BMPR2: variants seen among roughly 807,000 people sequenced by gnomAD.
BMPR2 encodes bone morphogenetic protein receptor type 2.
BMPR2 carries 29 observed loss-of-function variants against 100.8 expected under a neutral mutation model. That is an observed-to-expected ratio of 0.29 (90% CI 0.21 to 0.39). The LOEUF is 0.39. Among genes scored for constraint, BMPR2 ranks in the 10% least tolerant of loss-of-function variants. The probability of loss-of-function intolerance (pLI) is 1.00; values close to 1 mark genes in which losing one functional copy is unlikely to be tolerated. For missense variants in BMPR2, 1,011 were observed against 1,274.5 expected (o/e 0.79, Z 3.15); for synonymous variants, 382 against 442.3 (o/e 0.86, Z 1.71).
intron 3 of BMPR2, 146 bp downstream of exon 3, chr2:202,467,835 G>C: frequency 1.2e-6 from 1 of 816,120 alleles, no homozygotes; most frequent in Non-Finnish European, 2.0e-6. Flanking sequence ...GAGGTGGATG[G>C]ATCACCTGAG....
At chr2:202,398,394 T>A (rs978168919) in intron 1 of BMPR2, among the ~76,000 whole-genome samples, 36 of 152,200 alleles carry the variant, frequency 2.4e-4, no homozygotes, top group East Asian at 1.7e-3. Context: ...GCTTTTTTTT[T>A]AAAAAAAGCT....
intron 3 of BMPR2, among the ~76,000 whole-genome samples, chr2:202,511,085 C>G (rs975071780): frequency 9.2e-5 from 14 of 151,770 alleles, no homozygotes; most frequent in African/African-American, 2.9e-4. Flanking sequence ...CAACTATTAC[C>G]TCTGTCTAGT....
chr2:202,481,662 G>T (rs1692662668), intron 3 of BMPR2, among the ~76,000 whole-genome samples: 1 of 152,078 alleles, frequency 6.6e-6, no homozygotes, highest in Non-Finnish European at 1.5e-5. Context: ...CATTTATTTA[G>T]ACCTTATTTC....
intron 1 of BMPR2, among the ~76,000 whole-genome samples, chr2:202,448,511 C>T (rs566306866): frequency 3.3e-5 from 5 of 150,894 alleles, no homozygotes; most frequent in African/African-American, 1.2e-4. Flanking sequence ...GGCTGGAGTG[C>T]AATGACTTGG....
At chr2:202,385,490 C>T (rs1233356942) in intron 1 of BMPR2, among the ~76,000 whole-genome samples, 3 of 150,544 alleles carry the variant, frequency 2.0e-5, no homozygotes, top group Non-Finnish European at 1.5e-5. Flanking sequence ...CTCAGCCGCC[C>T]GAGTAGCTGG....
intron 1 of BMPR2, among the ~76,000 whole-genome samples, chr2:202,402,315 A>C (rs891370723): frequency 1.3e-5 from 2 of 151,974 alleles, no homozygotes; most frequent in African/African-American, 4.8e-5. Flanking sequence ...TCAGGAGTTC[A>C]AGACCAGCCT....
Position 202,559,892 on chromosome 2 carries a change from A to T in BMPR2, c.3063A>T (p.Glu1021Asp), listed in dbSNP as rs778834225. The T allele has an allele frequency of 6.2e-7, 1 of 1,614,224 alleles. No homozygotes were observed. Among genetic ancestry groups the T allele is most frequent in the South Asian group, 1.1e-5 (1 of 91,088 alleles). ...CCAGCACTGCTGTTTACCTTGCAGA[A>T]GGAGGCACTGCTACAACCATGGTGT... ...SKSSTAVYLA[E>D]GGTATTMVSK... is the part of the protein sequence containing the mutation. The change falls in exon 13 of 13, where the codon GAA becomes GAT. Residue 1021 changes from glutamate to aspartate, a missense_variant. This residue lies in a region of BMPR2 where 58 missense variants were observed against 72.3 expected (regional missense o/e 0.80). Transcript: ENST00000374580.
At chr2:202,481,469 G>A (rs571081254) in intron 3 of BMPR2, among the ~76,000 whole-genome samples, 10 of 152,264 alleles carry the variant, frequency 6.6e-5, no homozygotes, top group African/African-American at 2.4e-4. Flanking sequence ...GAGAGACACC[G>A]TGCCTGGCCT....
rs1228690295 is a variant in BMPR2, at chr2:202,565,893, T to C, written c.*5947T>C. ...TCATGGCAGATACATTTGAAAGTACTTCAGAAGAATTTATGCTGTATATTA... is the reference window on the plus strand; with the variant it reads ...TCATGGCAGATACATTTGAAAGTACCTCAGAAGAATTTATGCTGTATATTA... On this transcript the variant is annotated 3_prime_UTR_variant, in exon 13 of 13. Coordinates refer to ENST00000374580, the MANE Select transcript of BMPR2 (RefSeq NM_001204.7). The C allele has an allele frequency of 6.6e-6, 1 of 152,198 alleles. No homozygotes were observed. Among genetic ancestry groups the C allele is most frequent in the Admixed American group, 6.5e-5 (1 of 15,288 alleles). The allele number at this position is 152,198 out of a possible 1,614,324, so 9.4% of individuals were successfully genotyped here.
At chr2:202,391,328 G>A (rs1035105367) in intron 1 of BMPR2, among the ~76,000 whole-genome samples, 7 of 151,560 alleles carry the variant, frequency 4.6e-5, no homozygotes, top group Admixed American at 2.6e-4. Flanking sequence ...CAATAAAATA[G>A]GGCCTTGCTC....
At chr2:202,407,473 C>T (rs1690924729) in intron 1 of BMPR2, among the ~76,000 whole-genome samples, 1 of 151,316 alleles carries the variant, frequency 6.6e-6, no homozygotes, top group Non-Finnish European at 1.5e-5. Context: ...GGTACTGCTC[C>T]TTAATAATAC....
intron 1 of BMPR2, among the ~76,000 whole-genome samples, chr2:202,396,694 C>T (rs1690662220): frequency 6.6e-6 from 1 of 152,180 alleles, no homozygotes; most frequent in South Asian, 2.1e-4. Context: ...ATACATGGTA[C>T]ATCAGAGATA....
At chr2:202,500,349 T>C (rs529642132) in intron 3 of BMPR2, among the ~76,000 whole-genome samples, 2 of 152,344 alleles carry the variant, frequency 1.3e-5, no homozygotes, top group East Asian at 3.9e-4. Flanking sequence ...TTTCTTGTTA[T>C]GCCTGAAAGT....
At position 202,383,201 on chromosome 2, in the gene BMPR2, C is replaced by T. The variant is rs187855029; in HGVS notation, c.76+5651C>T. ...ATCCTGGCACTTGGGGAGGCCAAGGCAGGCGGATCACTTGAGGTCAGGATT... is the reference window on the plus strand; with the variant it reads ...ATCCTGGCACTTGGGGAGGCCAAGGTAGGCGGATCACTTGAGGTCAGGATT... On this transcript the variant is annotated intron_variant, in intron 1 of 12. Coordinates refer to ENST00000374580, the MANE Select transcript of BMPR2 (RefSeq NM_001204.7). 1.8e-3 allele frequency among the ~76,000 whole-genome samples: 279 copies of T among 152,150 alleles called. 3 individuals carry two copies. The highest frequency in any genetic ancestry group is 6.7e-3 in the African/African-American group (277 of 41,496).
Position 202,467,538 on chromosome 2 carries a change from A to C in BMPR2, c.267A>C (p.Gly89=). The C allele has an allele frequency of 6.4e-7, 1 of 1,560,452 alleles. No individual in the cohort carries two copies. Among genetic ancestry groups the C allele is most frequent in the Non-Finnish European group, 8.8e-7 (1 of 1,131,428 alleles). ...TTATAGGATGTTGGTCTCACATTGG[A>C]GATCCCCAAGAGTGTCACTATGAAG... The part of the protein sequence containing the change: ...LVKQGCWSHI[G]DPQECHYEEC... Residue 89 remains glycine (G), a synonymous_variant, in exon 3 of 13, where the codon GGA becomes GGC. Coordinates refer to ENST00000374580, the MANE Select transcript of BMPR2 (RefSeq NM_001204.7).
intron 10 of BMPR2, among the ~76,000 whole-genome samples, chr2:202,551,231 C>G (rs569201478): frequency 2.0e-5 from 3 of 151,728 alleles, no homozygotes; most frequent in African/African-American, 7.3e-5. Flanking sequence ...ACCAGCTTTC[C>G]CCTGGCCAGG....
At chr2:202,415,700 C>T (rs1691113069) in intron 1 of BMPR2, among the ~76,000 whole-genome samples, 1 of 152,186 alleles carries the variant, frequency 6.6e-6, no homozygotes, top group African/African-American at 2.4e-5. Flanking sequence ...AATGACAGCA[C>T]ATCTGCTTAC....
intron 10 of BMPR2, among the ~76,000 whole-genome samples, chr2:202,548,377 A>C (rs1326799973): frequency 6.6e-6 from 1 of 152,072 alleles, no homozygotes; most frequent in African/African-American, 2.4e-5. Context: ...GCTTGAGCCT[A>C]GGAATGTGAA....
chr2:202,508,091 T>G (rs1444068388), intron 3 of BMPR2, among the ~76,000 whole-genome samples: 2 of 148,540 alleles, frequency 1.3e-5, no homozygotes, highest in Non-Finnish European at 3.0e-5. Flanking sequence ...ATTATTATTA[T>G]TATTATTATT....
Sources: gnomAD v4.1 joint callset for allele counts (sites outside exome capture counted in the v4.1 genomes callset) on GRCh38, gnomAD v4.1.1 for gene constraint, gnomAD v4.1.1 regional missense constraint, MANE v1.5 for transcripts, NCBI Gene and HGNC (gene_info 2026-07-23, HGNC 2026-07-21) for gene names.